The following IQCB1 variants were observed in gnomAD, a reference collection of about 807,000 sequenced individuals.
IQCB1 encodes IQ calmodulin-binding motif-containing protein 1.
A neutral mutation model predicts 84.4 loss-of-function variants in IQCB1; 56 were observed. The ratio of observed to expected loss-of-function variants is 0.66; its 90% CI spans 0.54 to 0.83. The LOEUF is 0.83. Among genes scored for constraint, IQCB1 ranks in the 40% least tolerant of loss-of-function variants. The pLI is 0.00. For synonymous variants in IQCB1, 210 were observed against 234.8 expected (o/e 0.89, Z 0.96); for missense variants, 629 against 682.1 (o/e 0.92, Z 0.87).
At chr3:121,819,045 T>C (rs1950176672) in intron 5 of IQCB1, among the ~76,000 whole-genome samples, 1 of 152,172 alleles carries the variant, frequency 6.6e-6, no homozygotes, top group African/African-American at 2.4e-5. Context: ...GGAAGATAAT[T>C]TCTCCATGAA....
intron 8 of IQCB1, among the ~76,000 whole-genome samples, chr3:121,797,548 A>AT (rs1031073315): frequency 1.3e-5 from 2 of 151,376 alleles, no homozygotes; most frequent in African/African-American, 4.8e-5. Flanking sequence ...GTAGAGATAA[A>AT]TTTTTTTTAT....
At chr3:121,777,304 G>A (rs1371979666) in intron 13 of IQCB1, among the ~76,000 whole-genome samples, 5 of 152,150 alleles carry the variant, frequency 3.3e-5, no homozygotes, top group African/African-American at 1.2e-4. Flanking sequence ...GTCATTGAGT[G>A]TACCTACAGA....
At chr3:121,788,825 C>G (rs1332097308) in intron 11 of IQCB1, among the ~76,000 whole-genome samples, 1 of 152,048 alleles carries the variant, frequency 6.6e-6, no homozygotes, top group African/African-American at 2.4e-5. Flanking sequence ...TCTTAAGTCA[C>G]TCAGTCAGTT....
At chr3:121,793,461 C>T (rs2108556903) in intron 10 of IQCB1, among the ~76,000 whole-genome samples, 1 of 152,098 alleles carries the variant, frequency 6.6e-6, no homozygotes, top group East Asian at 1.9e-4. Context: ...GAGATAAGTC[C>T]TGAGCACAAA....
chr3:121,790,077 A>G lies in IQCB1; in HGVS notation c.1125T>C (p.His375=), dbSNP rs770894488. ...ELQLSMLEIV[H]PGQVEKHYRE... The stretch of plus-strand genomic sequence containing the variant: ...AAAGTTGATACTGCCACTCACCTGG[A>G]TGAACTATTTCGAGCATACTCAGCT... Residue 375 remains histidine, a synonymous_variant, in exon 11 of 15, where the codon CAT becomes CAC. Transcript: ENST00000310864. 6.2e-7 allele frequency: 1 copy of G among 1,613,208 alleles called. No individual in the cohort carries two copies. The highest frequency in any genetic ancestry group is 8.5e-7 in the Non-Finnish European group (1 of 1,179,316).
chr3:121,810,629 C>T (rs1949789495), intron 5 of IQCB1, among the ~76,000 whole-genome samples: 1 of 151,638 alleles, frequency 6.6e-6, no homozygotes, highest in Admixed American at 6.6e-5. Context: ...ATTATTAATG[C>T]TCTTAAATAG....
chr3:121,788,610 C>G (rs960978134), intron 11 of IQCB1, among the ~76,000 whole-genome samples, 178 bp from the exon 12 acceptor site: 1 of 151,856 alleles, frequency 6.6e-6, no homozygotes. Flanking sequence ...AAAGCTTTCC[C>G]AGATTATGCA....
chr3:121,811,403 C>G (rs954662560), intron 5 of IQCB1, among the ~76,000 whole-genome samples: 1 of 152,108 alleles, frequency 6.6e-6, no homozygotes, highest in Non-Finnish European at 1.5e-5. Flanking sequence ...GTGGCTAAAA[C>G]CCCAGCAAGA....
Position 121,831,179 on chromosome 3 carries a change from A to ATTTTTTTT in IQCB1, c.-12-2215_-12-2208dup, listed in dbSNP as rs71133577. ...TGCATCTCTTCATTTGTATCCTAGT[A>ATTTTTTTT]TTTTTTTTTGGAGACAGGATCTCAC... On this transcript the variant is annotated intron_variant, in intron 2 of 14. Transcript: ENST00000310864. Among the ~76,000 whole-genome samples, 5 of 129,572 alleles carry ATTTTTTTT rather than the reference A, an allele frequency of 3.9e-5. 1 individual carries two copies. Among genetic ancestry groups the ATTTTTTTT allele is most frequent in the Admixed American group, 8.2e-5 (1 of 12,190 alleles). The allele number at this position is 129,572 out of a possible 152,430, so 85.0% of individuals were successfully genotyped here. A position where few individuals can be genotyped will look rare whatever the true frequency, so the allele number is the denominator to read the frequency against.
intron 10 of IQCB1, among the ~76,000 whole-genome samples, chr3:121,790,625 C>T (rs1948927981): frequency 6.6e-6 from 1 of 152,078 alleles, no homozygotes; most frequent in Non-Finnish European, 1.5e-5. Context: ...GGTTCATTCA[C>T]CTGATGGGAT....
chr3:121,809,030 C>G, intron 5 of IQCB1, 21 bp from the exon 6 acceptor site: 1 of 1,441,414 alleles, frequency 6.9e-7, no homozygotes, highest in Admixed American at 1.7e-5. Context: ...AAGATAAGCC[C>G]AGTTTACTTT....
intron 5 of IQCB1, among the ~76,000 whole-genome samples, chr3:121,814,199 A>G (rs967997222): frequency 2.0e-5 from 3 of 152,170 alleles, no homozygotes; most frequent in Admixed American, 2.0e-4. Flanking sequence ...GGCAGAAATA[A>G]ATAAGTTATT....
intron 2 of IQCB1, among the ~76,000 whole-genome samples, chr3:121,830,448 T>C (rs1348797071): frequency 1.3e-5 from 2 of 152,014 alleles, no homozygotes; most frequent in South Asian, 4.1e-4. Context: ...TATCCTTATA[T>C]AATAAAAGCG....
intron 14 of IQCB1, among the ~76,000 whole-genome samples, 175 bp from the exon 15 acceptor site, chr3:121,770,749 C>G (rs1210532188): frequency 6.6e-6 from 1 of 152,220 alleles, no homozygotes; most frequent in East Asian, 1.9e-4. Context: ...GTAGCAAGAT[C>G]ACGGCTCACT....
chr3:121,788,313 A>G lies in IQCB1; in HGVS notation c.1249T>C (p.Tyr417His). Residue 417 changes from tyrosine to histidine, a missense_variant, in exon 12 of 15, where the codon TAT (tyrosine) becomes CAT (histidine). Physicochemically the swap from Tyr to His is moderately conservative, Grantham distance 83. Coordinates refer to ENST00000310864, the MANE Select transcript of IQCB1 (RefSeq NM_001023570.4). The part of the protein sequence containing the change: ...FHQQRQSLIE[Y>H]KAAVTLQRAA... Reference sequence around the variant, plus strand: ...CTTTGAAGTGTGACAGCTGCTTTATACTCTATGAGAGACTGCCTCTGTTGG... The same window carrying G: ...CTTTGAAGTGTGACAGCTGCTTTATGCTCTATGAGAGACTGCCTCTGTTGG... The G allele has an allele frequency of 1.2e-6, 2 of 1,613,866 alleles. No homozygotes were observed. The highest frequency in any genetic ancestry group is 1.7e-6 in the Non-Finnish European group (2 of 1,179,938).
At position 121,789,456 on chromosome 3, in the gene IQCB1, C is replaced by T. The variant is rs1948868788; in HGVS notation, c.1129+617G>A. Among the ~76,000 whole-genome samples the T allele has an allele frequency of 2.0e-5, 3 of 151,984 alleles. No homozygotes were observed. The South Asian group carries it at 6.2e-4, about 31-fold the overall frequency. The stretch of plus-strand genomic sequence containing the variant: ...CAGCACTCAGCTGAGAGTTGAGCTG[C>T]AGTTATGGATGGATACCCCAGGAAG... On this transcript the variant is annotated intron_variant, in intron 11 of 14. Transcript: ENST00000310864.
intron 5 of IQCB1, among the ~76,000 whole-genome samples, chr3:121,821,462 A>G (rs1254023127): frequency 4.6e-5 from 7 of 152,178 alleles, no homozygotes. Flanking sequence ...GCTTTTTGGA[A>G]TCACTCTTGT....
At chr3:121,788,530 A>G (rs200457041) in intron 11 of IQCB1, 98 bp from the exon 12 acceptor site, 5 of 660,498 alleles carry the variant, frequency 7.6e-6, no homozygotes, top group Non-Finnish European at 1.2e-5. Flanking sequence ...CATTCTTTTT[A>G]TTTTTGTCAA....
intron 5 of IQCB1, among the ~76,000 whole-genome samples, chr3:121,821,344 T>C (rs912645020): frequency 6.6e-6 from 1 of 152,210 alleles, no homozygotes; most frequent in Admixed American, 6.5e-5. Context: ...GTCATACTTA[T>C]TCCTCTTTCC....
Sources: gnomAD v4.1 joint callset for allele counts (sites outside exome capture counted in the v4.1 genomes callset) on GRCh38, gnomAD v4.1.1 for gene constraint, MANE v1.5 for transcripts, NCBI Gene and HGNC (gene_info 2026-07-23, HGNC 2026-07-21) for gene names.